Variants in CDKAL1 observed in about 807,000 individuals in gnomAD.
The protein encoded by CDKAL1 is CDKAL1 threonylcarbamoyladenosine tRNA methylthiotransferase.
CDKAL1 carries 32 observed loss-of-function variants against 68.2 expected under a neutral mutation model. That is an observed-to-expected ratio of 0.47 (90% CI 0.35 to 0.63). The LOEUF is 0.63. Among genes scored for constraint, CDKAL1 ranks in the 30% least tolerant of loss-of-function variants. The pLI, the probability that CDKAL1 is intolerant of heterozygous loss-of-function variation, is 0.00. For missense variants in CDKAL1, 606 were observed against 696.7 expected, an observed-to-expected ratio of 0.87 and a Z score of 1.47; for synonymous variants, 234 against 244.3, an observed-to-expected ratio of 0.96 and a Z score of 0.39.
intron 4 of CDKAL1, among the ~76,000 whole-genome samples, chr6:20,602,723 G>T (rs1766158046): frequency 6.6e-6 from 1 of 152,136 alleles, no homozygotes. Flanking sequence ...CTTACTTACT[G>T]ATTCAGCAGC....
chr6:20,970,631 CAT>C (rs1296218748), intron 10 of CDKAL1, among the ~76,000 whole-genome samples: 1 of 152,172 alleles, frequency 6.6e-6, no homozygotes, highest in Non-Finnish European at 1.5e-5. Flanking sequence ...CTGTCTTCCT[CAT>C]AAAGCTTTTG....
chr6:20,691,190 T>C (rs1468843037), intron 5 of CDKAL1, among the ~76,000 whole-genome samples: 1 of 152,186 alleles, frequency 6.6e-6, no homozygotes, highest in African/African-American at 2.4e-5. Flanking sequence ...CTCTTGCCTT[T>C]GGCTCTTTCC....
intron 13 of CDKAL1, among the ~76,000 whole-genome samples, chr6:21,150,105 G>T (rs879608317): frequency 3.3e-5 from 5 of 152,064 alleles, no homozygotes; most frequent in Non-Finnish European, 7.3e-5. Flanking sequence ...TGATCCGCCC[G>T]CCTCGGCCTC....
At chr6:21,139,399 C>G (rs1022967433) in intron 13 of CDKAL1, among the ~76,000 whole-genome samples, 5 of 152,228 alleles carry the variant, frequency 3.3e-5, no homozygotes, top group Non-Finnish European at 7.3e-5. Flanking sequence ...GAACTACTAG[C>G]TACAGTTATT....
At chr6:21,101,901 C>G (rs1164344458) in intron 12 of CDKAL1, among the ~76,000 whole-genome samples, 1 of 152,088 alleles carries the variant, frequency 6.6e-6, no homozygotes, top group Non-Finnish European at 1.5e-5. Flanking sequence ...AGCTGTTAAT[C>G]AGATCTGTCC....
At chr6:20,792,819 T>C (rs1400344667) in intron 8 of CDKAL1, among the ~76,000 whole-genome samples, 1 of 152,232 alleles carries the variant, frequency 6.6e-6, no homozygotes, top group African/African-American at 2.4e-5. Flanking sequence ...CCTAGTAATG[T>C]ATCACTGCTC....
At chr6:20,720,195 C>A (rs1469616927) in intron 5 of CDKAL1, among the ~76,000 whole-genome samples, 1 of 152,066 alleles carries the variant, frequency 6.6e-6, no homozygotes, top group Non-Finnish European at 1.5e-5. Context: ...TTTGGTGGCA[C>A]TGTTCTGCTT....
At position 21,128,068 on chromosome 6, in the gene CDKAL1, A is replaced by G. The variant is rs561066500; in HGVS notation, c.1299+19605A>G. Among the ~76,000 whole-genome samples the G allele has an allele frequency of 2.6e-5, 4 of 152,342 alleles. No individual in the cohort carries two copies. The East Asian group carries it at 5.8e-4, about 22-fold the overall frequency. On this transcript the variant is annotated intron_variant, in intron 13 of 15. Transcript: ENST00000274695. ...ATAAACACACGGTCCCTGACTTACA[A>G]TGGTCCGACTTACAAGTTTTCTTTT... is the stretch of plus-strand genomic sequence containing the variant.
At chr6:21,204,354 C>T (rs1342000572) in intron 15 of CDKAL1, among the ~76,000 whole-genome samples, 1 of 152,092 alleles carries the variant, frequency 6.6e-6, no homozygotes, top group Non-Finnish European at 1.5e-5. Flanking sequence ...ACCCCTATTC[C>T]CCCAACCCTG....
intron 5 of CDKAL1, among the ~76,000 whole-genome samples, chr6:20,703,821 T>C (rs911863168): frequency 6.6e-6 from 1 of 152,196 alleles, no homozygotes; most frequent in Non-Finnish European, 1.5e-5. Context: ...ATATAATTAG[T>C]TTTACACATA....
chr6:21,074,380 A>T (rs1051348984), intron 12 of CDKAL1, among the ~76,000 whole-genome samples: 1 of 152,170 alleles, frequency 6.6e-6, no homozygotes, highest in African/African-American at 2.4e-5. Context: ...CCTGCTCTTC[A>T]TCTTTACTAG....
chr6:21,076,506 T>C (rs141932572), intron 12 of CDKAL1, among the ~76,000 whole-genome samples: 122 of 152,364 alleles, frequency 8.0e-4, no homozygotes, highest in Non-Finnish European at 1.1e-3. Flanking sequence ...CTCAGTGTTT[T>C]AAAGAATATC....
intron 11 of CDKAL1, among the ~76,000 whole-genome samples, chr6:21,022,191 A>AT (rs1399855331): frequency 6.6e-6 from 1 of 152,204 alleles, no homozygotes; most frequent in Non-Finnish European, 1.5e-5. Context: ...GAGGTATGAA[A>AT]TTAAGTTACA....
chr6:20,833,185 C>T (rs1256484468), intron 8 of CDKAL1, among the ~76,000 whole-genome samples: 1 of 152,154 alleles, frequency 6.6e-6, no homozygotes, highest in African/African-American at 2.4e-5. Flanking sequence ...ATTAGCCACG[C>T]TCTATTCTAG....
At chr6:20,695,066 C>A (rs1403447018) in intron 5 of CDKAL1, among the ~76,000 whole-genome samples, 2 of 152,122 alleles carry the variant, frequency 1.3e-5, no homozygotes, top group Non-Finnish European at 2.9e-5. Flanking sequence ...TTCAACTATT[C>A]CTTTATAGTG....
chr6:21,009,026 T>C (rs1767877839), intron 11 of CDKAL1, among the ~76,000 whole-genome samples: 2 of 152,244 alleles, frequency 1.3e-5, no homozygotes, highest in Non-Finnish European at 2.9e-5. Context: ...GCCTATAATA[T>C]GTTGAAATCA....
chr6:21,162,591 T>C (rs950528772), intron 13 of CDKAL1, among the ~76,000 whole-genome samples: 1 of 152,158 alleles, frequency 6.6e-6, no homozygotes, highest in Non-Finnish European at 1.5e-5. Flanking sequence ...GCATCACATA[T>C]GTAACTTCCT....
chr6:21,069,058 A>G (rs1771609824), intron 12 of CDKAL1, among the ~76,000 whole-genome samples: 1 of 152,196 alleles, frequency 6.6e-6, no homozygotes. Flanking sequence ...TAATTCTAAT[A>G]GTGTTTCTGT....
At chr6:20,786,841 G>T (rs1775699550) in intron 8 of CDKAL1, among the ~76,000 whole-genome samples, 1 of 151,956 alleles carries the variant, frequency 6.6e-6, no homozygotes, top group South Asian at 2.1e-4. Context: ...TGTGGAGACG[G>T]GTAGGAGGTA....
Sources: gnomAD v4.1 joint callset for allele counts (sites outside exome capture counted in the v4.1 genomes callset) on GRCh38, gnomAD v4.1.1 for gene constraint, MANE v1.5 for transcripts, NCBI Gene and HGNC (gene_info 2026-07-23, HGNC 2026-07-21) for gene names.